ZNF33B: variants seen among roughly 807,000 people sequenced by gnomAD.
ZNF33B encodes zinc finger protein 33B.
Under a neutral mutation model 45.8 loss-of-function variants are expected in ZNF33B, and 29 were observed. That is an observed-to-expected ratio of 0.63 (90% CI 0.47 to 0.86). ZNF33B has a LOEUF of 0.86. ZNF33B is among the 40% of genes least tolerant of loss of function. The probability of loss-of-function intolerance (pLI) is 0.00; values close to 1 mark genes in which losing one functional copy is unlikely to be tolerated. For missense variants in ZNF33B, 831 were observed against 909.9 expected, an observed-to-expected ratio of 0.91 and a Z score of 1.12; for synonymous variants, 305 against 307.8, an observed-to-expected ratio of 0.99 and a Z score of 0.10.
At chr10:42,602,891 GC>G (rs1837686367) in intron 4 of ZNF33B, among the ~76,000 whole-genome samples, 1 of 151,940 alleles carries the variant, frequency 6.6e-6, no homozygotes, top group East Asian at 1.9e-4. Context: ...ATTCATGGAG[GC>G]CCCTTTACAG....
intron 4 of ZNF33B, among the ~76,000 whole-genome samples, chr10:42,627,176 G>C (rs2132147295): frequency 6.6e-6 from 1 of 152,064 alleles, no homozygotes; most frequent in South Asian, 2.1e-4. Flanking sequence ...GCTAATTTTT[G>C]TATTTTTAGA....
At chr10:42,637,040 G>T in intron 1 of ZNF33B, 68 bp from the exon 2 acceptor site, 1 of 1,497,052 alleles carries the variant, frequency 6.7e-7, no homozygotes, top group Non-Finnish European at 9.2e-7. Context: ...GGATTCTTCT[G>T]CCCTAAGAAG....
intron 4 of ZNF33B, among the ~76,000 whole-genome samples, chr10:42,626,015 A>T (rs12255518): frequency 0.047 from 7,132 of 152,310 alleles, 524 homozygotes; most frequent in African/African-American, 0.16. Context: ...TCTGCTATAG[A>T]TATTTTGTGC....
chr10:42,610,489 G>A (rs1838055380), intron 4 of ZNF33B, among the ~76,000 whole-genome samples: 1 of 152,176 alleles, frequency 6.6e-6, no homozygotes, highest in South Asian at 2.1e-4. Context: ...AGTGAGCCAA[G>A]ATCGCGCCAT....
At chr10:42,612,742 G>C (rs1314360871) in intron 4 of ZNF33B, among the ~76,000 whole-genome samples, 2 of 152,158 alleles carry the variant, frequency 1.3e-5, no homozygotes, top group African/African-American at 4.8e-5. Context: ...GGTTCCCTTT[G>C]CATCTCTTTT....
intron 4 of ZNF33B, among the ~76,000 whole-genome samples, chr10:42,617,577 C>T (rs1258985383): frequency 6.6e-6 from 1 of 152,132 alleles, no homozygotes; most frequent in Admixed American, 6.5e-5. Flanking sequence ...GTTTCACATG[C>T]ATTAGTTGTG....
chr10:42,588,075 T>C (rs1337921291), downstream of ZNF33B, among the ~76,000 whole-genome samples: 6 of 142,896 alleles, frequency 4.2e-5, no homozygotes, highest in African/African-American at 8.8e-5. Context: ...GGATGTTCCA[T>C]GCAGCCAGTG....
chr10:42,604,791 C>T (rs1456656310), intron 4 of ZNF33B, among the ~76,000 whole-genome samples: 3 of 150,362 alleles, frequency 2.0e-5, no homozygotes, highest in East Asian at 2.0e-4. Context: ...TGGTAGTGCA[C>T]ATACCTATAA....
rs1366457194 is a variant in ZNF33B, at chr10:42,591,537, C to T, written c.*1076G>A. On this transcript the variant is annotated 3_prime_UTR_variant, in exon 5 of 5. Coordinates refer to ENST00000359467, the MANE Select transcript of ZNF33B (RefSeq NM_006955.3). ...GGACACGACAAACACCTGGGATGGG[C>T]CTGATGAAGTAACCACTACTAAATT... The T allele has an allele frequency of 5.0e-6, 2 of 400,776 alleles. No individual in the cohort carries two copies. Among genetic ancestry groups the T allele is most frequent in the African/African-American group, 4.3e-5 (2 of 46,226 alleles). The allele number at this position is 400,776 out of a possible 1,614,324, so 24.8% of individuals were successfully genotyped here.
intron 4 of ZNF33B, among the ~76,000 whole-genome samples, chr10:42,631,366 C>T (rs1340813874): frequency 1.3e-5 from 2 of 152,058 alleles, no homozygotes; most frequent in Non-Finnish European, 2.9e-5. Flanking sequence ...CCACCACGCC[C>T]AGCTAATTTT....
intron 4 of ZNF33B, chr10:42,605,334 CA>C (rs1837797283): frequency 6.8e-6 from 1 of 148,006 alleles, no homozygotes; most frequent in African/African-American, 2.5e-5. Flanking sequence ...CTGAAAGCAT[CA>C]AGAGAAATAC....
At chr10:42,586,641 A>C (rs1188628447), downstream of ZNF33B, among the ~76,000 whole-genome samples, 1 of 152,218 alleles carries the variant, frequency 6.6e-6, no homozygotes, top group Non-Finnish European at 1.5e-5. Flanking sequence ...ACACACACAC[A>C]GTCATAATAG....
intron 1 of ZNF33B, among the ~76,000 whole-genome samples, chr10:42,575,254 C>A (rs1300613145): frequency 2.0e-5 from 3 of 151,998 alleles, no homozygotes. Flanking sequence ...CTTAATGTGG[C>A]GCGTGGAGGT....
At chr10:42,629,362 T>C (rs1483307769) in intron 4 of ZNF33B, among the ~76,000 whole-genome samples, 1 of 152,100 alleles carries the variant, frequency 6.6e-6, no homozygotes, top group Non-Finnish European at 1.5e-5. Context: ...TTAGAAAGAA[T>C]GAATAAGACC....
At chr10:42,634,595 T>C (rs1468188528) in intron 2 of ZNF33B, among the ~76,000 whole-genome samples, 6 of 152,186 alleles carry the variant, frequency 3.9e-5, no homozygotes, top group Non-Finnish European at 5.9e-5. Context: ...AGTGAGGTAC[T>C]GGCACAACCA....
chr10:42,584,784 G>C (rs566090619), downstream of ZNF33B, among the ~76,000 whole-genome samples: 1 of 152,314 alleles, frequency 6.6e-6, no homozygotes, highest in African/African-American at 2.4e-5. Flanking sequence ...GCCTCCCAAA[G>C]TGCTGGGACT....
chr10:42,607,601 G>A (rs372752539), intron 4 of ZNF33B, among the ~76,000 whole-genome samples: 2 of 152,106 alleles, frequency 1.3e-5, no homozygotes, highest in African/African-American at 2.4e-5. Flanking sequence ...AAAAAAGCAC[G>A]AGACCGAAAA....
intron 4 of ZNF33B, among the ~76,000 whole-genome samples, chr10:42,615,247 G>A (rs1295871412): frequency 2.0e-5 from 3 of 152,080 alleles, no homozygotes; most frequent in Admixed American, 6.6e-5. Context: ...GAAAATACAT[G>A]TCCATGTGAA....
chr10:42,620,620 G>A (rs1838532506), intron 4 of ZNF33B, among the ~76,000 whole-genome samples: 1 of 151,264 alleles, frequency 6.6e-6, no homozygotes, highest in Non-Finnish European at 1.5e-5. Context: ...TTGTAGACCA[G>A]GCTGGTCTCC....
Sources: allele counts gnomAD v4.1 joint callset (sites outside exome capture counted in the v4.1 genomes callset), GRCh38; gene constraint gnomAD v4.1.1; transcripts MANE v1.5; gene names NCBI Gene and HGNC (gene_info 2026-07-23, HGNC 2026-07-21).